The following COBL variants were observed in gnomAD, a reference collection of about 807,000 sequenced individuals.
The protein encoded by COBL is protein cordon-bleu.
COBL carries 51 observed loss-of-function variants against 98.8 expected under a neutral mutation model. That is an observed-to-expected ratio of 0.52 (90% CI 0.41 to 0.65). The LOEUF (loss-of-function observed/expected upper bound fraction) is 0.65. COBL is among the 30% of genes least tolerant of loss of function. COBL has a pLI of 0.00. For missense variants in COBL, 1,617 were observed against 1,617.5 expected, an observed-to-expected ratio of 1.00 and a Z score of 0.01; for synonymous variants, 634 against 651.7, an observed-to-expected ratio of 0.97 and a Z score of 0.41.
intron 7 of COBL, 107 bp downstream of exon 7, chr7:51,085,059 G>A: frequency 6.6e-7 from 1 of 1,526,614 alleles, no homozygotes; most frequent in Non-Finnish European, 8.9e-7. Context: ...TATTTTTTGG[G>A]TTAATGTCAT....
In COBL at chr7:51,117,192, T is replaced by C. The variant is rs556441100; in HGVS notation, c.957+18966A>G. 1.4e-4 allele frequency among the ~76,000 whole-genome samples: 17 copies of C among 125,242 alleles called. No homozygotes were observed. In the East Asian group the frequency reaches 4.9e-3, roughly 36 times the overall value. The allele number at this position is 125,242 out of a possible 152,430, so 82.2% of individuals were successfully genotyped here. A position where few individuals can be genotyped will look rare whatever the true frequency, so the allele number is the denominator to read the frequency against. On this transcript the variant is annotated intron_variant, in intron 6 of 12. Transcript: ENST00000265136. ...AAGTACCTATGTAGCTATGCACAGT[T>C]TTCTTCTTATTTATTTTGATTTGGA...
intron 7 of COBL, among the ~76,000 whole-genome samples, chr7:51,066,264 T>A (rs1472040399): frequency 6.6e-6 from 1 of 152,200 alleles, no homozygotes; most frequent in Non-Finnish European, 1.5e-5. Context: ...ATACTTGTTG[T>A]TGGCTGTGGG....
chr7:51,217,340 C>CTTTTTTTTTTTTTTTTTTTTTTT (rs937958755), intron 2 of COBL, among the ~76,000 whole-genome samples: 6 of 127,732 alleles, frequency 4.7e-5, no homozygotes, highest in African/African-American at 1.5e-4. Flanking sequence ...TTTTCTTTTT[C>CTTTTTTTTTTTTTTTTTTTTTTT]TTTTTTTTTT....
chr7:51,146,449 G>A (rs1425004536), intron 5 of COBL, among the ~76,000 whole-genome samples: 1 of 152,128 alleles, frequency 6.6e-6, no homozygotes, highest in Non-Finnish European at 1.5e-5. Context: ...AAAGCGATCG[G>A]CAGTTTCCTT....
At chr7:51,161,321 G>A (rs1039629224) in intron 5 of COBL, among the ~76,000 whole-genome samples, 4 of 152,210 alleles carry the variant, frequency 2.6e-5, no homozygotes, top group Non-Finnish European at 5.9e-5. Context: ...CTCTCTGTAA[G>A]CATAGGACTC....
chr7:51,153,190 A>AC (rs1045823723), intron 5 of COBL, among the ~76,000 whole-genome samples: 2 of 152,158 alleles, frequency 1.3e-5, no homozygotes, highest in African/African-American at 4.8e-5. Context: ...AAAAAAAGAT[A>AC]CTTTTTTATT....
chr7:51,243,549 C>T (rs1221454567), intron 1 of COBL, among the ~76,000 whole-genome samples: 3 of 152,222 alleles, frequency 2.0e-5, no homozygotes, highest in Non-Finnish European at 2.9e-5. Context: ...AACTCTGGTG[C>T]ACCCGTGCCA....
chr7:51,188,087 T>C, intron 4 of COBL: 1 of 718,190 alleles, frequency 1.4e-6, no homozygotes, highest in Non-Finnish European at 1.9e-6. Context: ...GGTCTCTTGC[T>C]GGGTCAGCTT....
intron 7 of COBL, among the ~76,000 whole-genome samples, chr7:51,063,615 C>A (rs1290121658): frequency 6.6e-6 from 1 of 152,198 alleles, no homozygotes; most frequent in East Asian, 1.9e-4. Flanking sequence ...CCAGGTGTGG[C>A]CCCACGAAGA....
intron 5 of COBL, among the ~76,000 whole-genome samples, chr7:51,177,236 T>C (rs1788460088): frequency 6.6e-6 from 1 of 152,148 alleles, no homozygotes; most frequent in Non-Finnish European, 1.5e-5. Context: ...CTGGCTCACT[T>C]GTGCCTCCTG....
At chr7:51,098,449 T>C (rs1029066436) in intron 6 of COBL, among the ~76,000 whole-genome samples, 1 of 152,046 alleles carries the variant, frequency 6.6e-6, no homozygotes, top group Non-Finnish European at 1.5e-5. Flanking sequence ...AATAAGGAGC[T>C]CAAAAATAAA....
At chr7:51,102,679 G>A (rs1795909280) in intron 6 of COBL, among the ~76,000 whole-genome samples, 1 of 152,136 alleles carries the variant, frequency 6.6e-6, no homozygotes, top group Non-Finnish European at 1.5e-5. Flanking sequence ...CAGAGCCTTG[G>A]TCTGTATAAT....
chr7:51,069,969 T>G (rs1439852718), intron 7 of COBL, among the ~76,000 whole-genome samples: 2 of 152,174 alleles, frequency 1.3e-5, no homozygotes, highest in Non-Finnish European at 2.9e-5. Context: ...TTGGGGGGGT[T>G]TCTTTTTCCC....
At chr7:51,042,998 G>C (rs1789351719) in intron 8 of COBL, among the ~76,000 whole-genome samples, 1 of 152,194 alleles carries the variant, frequency 6.6e-6, no homozygotes, top group African/African-American at 2.4e-5. Flanking sequence ...TGTAAATAGA[G>C]ACATATGTTT....
In COBL at chr7:51,043,620, T is replaced by A; in HGVS notation, c.1169A>T (p.Glu390Val). The A allele has an allele frequency of 6.2e-7, 1 of 1,614,204 alleles. No homozygotes were observed. The highest frequency in any genetic ancestry group is 1.7e-5 in the Admixed American group (1 of 60,020). ...AAAACAGCTGCCAACTGACACGGTC[T>A]CCTCCGCCTCTGACAGCACCTGCGG... ...GAPQVLSEAE[E>V]TVSVGSCFAS... is the part of the protein sequence containing the mutation. Residue 390 changes from glutamate (E) to valine (V), a missense_variant, in exon 8 of 13, where the codon GAG becomes GTG. Coordinates refer to ENST00000265136, the MANE Select transcript of COBL (RefSeq NM_015198.5).
At chr7:51,245,033 G>C (rs1405147801) in intron 1 of COBL, among the ~76,000 whole-genome samples, 1 of 152,064 alleles carries the variant, frequency 6.6e-6, no homozygotes, top group East Asian at 1.9e-4. Flanking sequence ...ATTCAAAAGA[G>C]GAAACGCCTC....
At chr7:51,119,608 C>G (rs1021121140) in intron 6 of COBL, among the ~76,000 whole-genome samples, 6 of 152,138 alleles carry the variant, frequency 3.9e-5, no homozygotes, top group African/African-American at 1.4e-4. Context: ...TTTTGTATCA[C>G]AAATACAGGT....
At chr7:51,299,522 T>C (rs1801725100) in intron 1 of COBL, among the ~76,000 whole-genome samples, 1 of 152,202 alleles carries the variant, frequency 6.6e-6, no homozygotes, top group Non-Finnish European at 1.5e-5. Flanking sequence ...ACCCATAGCA[T>C]GCTGGCACTC....
intron 2 of COBL, among the ~76,000 whole-genome samples, chr7:51,204,691 C>A (rs1791497829): frequency 6.6e-6 from 1 of 151,792 alleles, no homozygotes; most frequent in African/African-American, 2.4e-5. Flanking sequence ...GCTAGGACTA[C>A]AGGTATGCAC....
Sources: allele counts gnomAD v4.1 joint callset (sites outside exome capture counted in the v4.1 genomes callset), GRCh38; gene constraint gnomAD v4.1.1; transcripts MANE v1.5; gene names NCBI Gene and HGNC (gene_info 2026-07-23, HGNC 2026-07-21).